The following EP300 variants were observed in gnomAD, a reference collection of about 807,000 sequenced individuals.
EP300 encodes EP300 lysine acetyltransferase.
A neutral mutation model predicts 264.0 loss-of-function variants in EP300; 31 were observed. The observed-to-expected ratio is 0.12, with a 90% CI of 0.09 to 0.16. The LOEUF (loss-of-function observed/expected upper bound fraction) is 0.16. Ranked by LOEUF, EP300 falls within the 10% of genes least tolerant of loss-of-function variation. The pLI is 1.00. For missense variants in EP300, 2,766 were observed against 3,052.9 expected (o/e 0.91, Z 2.21); for synonymous variants, 1,340 against 1,045.4 (o/e 1.28, Z -5.44).
chr22:41,173,516 G>T, intron 28 of EP300, 107 bp from the exon 29 acceptor site: 1 of 1,159,674 alleles, frequency 8.6e-7, no homozygotes, highest in East Asian at 2.5e-5. Context: ...ATAAGTTACA[G>T]GCATAAGATT....
Position 41,111,089 on chromosome 22 carries a change from C to T in EP300, c.95-6098C>T, listed in dbSNP as rs75961253. Among the ~76,000 whole-genome samples the T allele has an allele frequency of 6.6e-4, 100 of 151,998 alleles. No homozygotes were observed. In the East Asian group the frequency reaches 0.016, roughly 24 times the overall value. ...CAAGCGATTCTCGTGCCTCAGCCTT[C>T]TGAGTAGCTGGGACTACAGGCATGT... On this transcript the variant is annotated intron_variant, in intron 1 of 30. Transcript: ENST00000263253.
rs2058827085 is a variant in EP300, at chr22:41,117,364, C to G, written c.272C>G (p.Pro91Arg). Residue 91 changes from proline (P) to arginine (R), a missense_variant, in exon 2 of 31, where the codon CCT (proline) becomes CGT (arginine). Transcript: ENST00000263253. ...GAATTGCTGCGATCTGGTAGTTCCC[C>G]TAACCTCAATATGGGAGTTGGTGGC... is the stretch of plus-strand genomic sequence containing the variant. ...LSELLRSGSS[P>R]NLNMGVGGPG... is the part of the protein sequence containing the mutation. The G allele has an allele frequency of 6.2e-7, 1 of 1,614,070 alleles. No homozygotes were observed. The highest frequency in any genetic ancestry group is 8.5e-7 in the Non-Finnish European group (1 of 1,180,044).
At chr22:41,140,949 A>G (rs1431088249) in intron 9 of EP300, 99 bp from the exon 10 acceptor site, 1 of 1,182,152 alleles carries the variant, frequency 8.5e-7, no homozygotes, top group Non-Finnish European at 1.2e-6. Flanking sequence ...TGCAGCATAT[A>G]AAATGAAACT....
intron 1 of EP300, among the ~76,000 whole-genome samples, chr22:41,094,310 G>T (rs569273492): frequency 3.3e-5 from 5 of 152,170 alleles, no homozygotes; most frequent in Non-Finnish European, 5.9e-5. Flanking sequence ...GGAGTTAAAT[G>T]TACCCTTTGA....
chr22:41,166,764 T>A, intron 23 of EP300, 98 bp downstream of exon 23: 1 of 737,544 alleles, frequency 1.4e-6, no homozygotes, highest in Admixed American at 2.8e-5. Flanking sequence ...ATCACAGTAA[T>A]AGAGTAAAAA....
chr22:41,149,653 A>G, intron 13 of EP300, 108 bp from the exon 14 acceptor site: 1 of 1,154,034 alleles, frequency 8.7e-7, no homozygotes, highest in East Asian at 2.5e-5. Flanking sequence ...ACACATTGCT[A>G]CTCTTTGTTT....
rs774403541 is a variant in EP300, at chr22:41,168,478, C to T, written c.3904C>T (p.Leu1302=). Residue 1302 remains leucine, a synonymous_variant, in exon 24 of 31, where the codon CTA becomes TTA. Transcript: ENST00000263253. The stretch of plus-strand genomic sequence containing the variant: ...GCCATCTACCAGACTTGGCACCTTT[C>T]TAGAGAATCGTGTGAATGACTTTCT... The part of the protein sequence containing the change: ...RLPSTRLGTF[L]ENRVNDFLRR... 2.0e-5 allele frequency: 32 copies of T among 1,614,220 alleles called. No individual in the cohort carries two copies. In the South Asian group the frequency reaches 3.0e-4, roughly 15 times the overall value.
At chr22:41,126,092 G>T (rs1407686388) in intron 3 of EP300, 52 bp downstream of exon 3, 1 of 1,579,692 alleles carries the variant, frequency 6.3e-7, no homozygotes, top group African/African-American at 1.3e-5. Context: ...TTTGACAAAA[G>T]AATTGTGTTA....
chr22:41,162,611 C>G, intron 20 of EP300, 112 bp from the exon 21 acceptor site: 1 of 811,232 alleles, frequency 1.2e-6, no homozygotes, highest in Non-Finnish European at 2.1e-6. Context: ...AATGTGTATT[C>G]TTAAAAAACC....
chr22:41,149,174 A>T lies in EP300; in HGVS notation c.2378A>T (p.Gln793Leu). 6.2e-7 allele frequency: 1 copy of T among 1,613,608 alleles called. No individual in the cohort carries two copies. Among genetic ancestry groups the T allele is most frequent in the Non-Finnish European group, 8.5e-7 (1 of 1,179,536 alleles). ...APSSGQAPVS[Q>L]AQMSSSSCPV... The stretch of plus-strand genomic sequence containing the variant: ...TCCAGCGGTCAAGCTCCAGTGTCTC[A>T]AGTATGTCTCATAAGTGGATTTTTC... The change falls in exon 13 of 31, where the codon CAA becomes CTA. Residue 793 changes from glutamine to leucine, a missense_variant and splice_region_variant. Gln to Leu is a moderately radical substitution (Grantham distance 113). Transcript: ENST00000263253.
intron 21 of EP300, among the ~76,000 whole-genome samples, chr22:41,162,983 G>A (rs1486583963): frequency 6.6e-6 from 1 of 152,172 alleles, no homozygotes. Context: ...TGTTCTTAAT[G>A]TTGAATGTGA....
chr22:41,170,888 C>T (rs563528193), intron 27 of EP300, among the ~76,000 whole-genome samples: 3 of 150,868 alleles, frequency 2.0e-5, no homozygotes, highest in Non-Finnish European at 4.4e-5. Flanking sequence ...TGGTCTCGAT[C>T]TCCTGACCTT....
rs780778684 is a variant in EP300, at chr22:41,178,714, C to G, written c.7003C>G (p.Pro2335Ala). 5.6e-6 allele frequency: 9 copies of G among 1,614,194 alleles called. No individual in the cohort carries two copies. Among genetic ancestry groups the G allele is most frequent in the Non-Finnish European group, 5.9e-6 (7 of 1,180,038 alleles). The change falls in exon 31 of 31, where the codon CCT becomes GCT. Residue 2335 changes from proline to alanine, a missense_variant. Transcript: ENST00000263253. ...SSPSPRMQPQ[P>A]SPHHVSPQTS... The stretch of plus-strand genomic sequence containing the variant: ...TCCTTCCCCAAGGATGCAGCCTCAG[C>G]CTTCTCCACACCACGTTTCCCCACA...
Position 41,151,957 on chromosome 22 carries a change from A to G in EP300, c.2942A>G (p.Lys981Arg), listed in dbSNP as rs759543952. The G allele has an allele frequency of 6.2e-6, 10 of 1,614,092 alleles. No homozygotes were observed. Among genetic ancestry groups the G allele is most frequent in the Non-Finnish European group, 8.5e-6 (10 of 1,180,060 alleles). ...QPSQEVKMEA[K>R]MEVDQPEPAD... ...TCCCAGGAAGTGAAGATGGAGGCCA[A>G]AATGGAAGTGGATCAACCAGAACCA... Residue 981 changes from lysine to arginine, a missense_variant, in exon 15 of 31, where the codon AAA (lysine) becomes AGA (arginine). Coordinates refer to ENST00000263253, the MANE Select transcript of EP300 (RefSeq NM_001429.4).
At chr22:41,098,478 T>A (rs2058714024) in intron 1 of EP300, among the ~76,000 whole-genome samples, 1 of 152,110 alleles carries the variant, frequency 6.6e-6, no homozygotes, top group Non-Finnish European at 1.5e-5. Flanking sequence ...TTCAAGCCAT[T>A]CTCCTGCCTC....
chr22:41,120,847 T>G (rs577040402), intron 2 of EP300, among the ~76,000 whole-genome samples: 1 of 152,280 alleles, frequency 6.6e-6, no homozygotes, highest in South Asian at 2.1e-4. Context: ...GACTCCTAAG[T>G]AGCTAGTACT....
At chr22:41,110,986 A>G (rs1333233826) in intron 1 of EP300, among the ~76,000 whole-genome samples, 1 of 144,424 alleles carries the variant, frequency 6.9e-6, no homozygotes, top group Non-Finnish European at 1.5e-5. Context: ...TAAATTTGAG[A>G]TAGAGTCTCA....
rs375378499 is a variant in EP300, at chr22:41,176,740, A to G, written c.5062-33A>G. On this transcript the variant is annotated intron_variant, in intron 30 of 30. Coordinates refer to ENST00000263253, the MANE Select transcript of EP300 (RefSeq NM_001429.4). ...TACTTTTGAATGACTTAAATCTTGG[A>G]GAGTTTACGTGCACCTCCTGTTTTT... The G allele has an allele frequency of 2.5e-6, 4 of 1,613,508 alleles. No homozygotes were observed. In the African/African-American group the frequency reaches 4.0e-5, roughly 16 times the overall value.
At chr22:41,107,610 C>T (rs893609428) in intron 1 of EP300, among the ~76,000 whole-genome samples, 1 of 152,132 alleles carries the variant, frequency 6.6e-6, no homozygotes, top group Non-Finnish European at 1.5e-5. Context: ...GGTTATGCTT[C>T]ATTTATATAT....
Sources: gnomAD v4.1 joint callset for allele counts (sites outside exome capture counted in the v4.1 genomes callset) on GRCh38, gnomAD v4.1.1 for gene constraint, MANE v1.5 for transcripts, NCBI Gene and HGNC (gene_info 2026-07-23, HGNC 2026-07-21) for gene names.